The following CNTLN variants were observed in gnomAD, a reference collection of about 807,000 sequenced individuals.
CNTLN encodes centlein, centrosomal protein.
CNTLN carries 212 observed loss-of-function variants against 180.0 expected under a neutral mutation model. The ratio of observed to expected loss-of-function variants is 1.18; its 90% CI spans 1.05 to 1.32. The LOEUF (loss-of-function observed/expected upper bound fraction) is 1.32. Among genes scored for constraint, CNTLN ranks in the 40% most tolerant of loss-of-function variants. The pLI, the probability that CNTLN is intolerant of heterozygous loss-of-function variation, is 0.00. For synonymous variants in CNTLN, 722 were observed against 563.1 expected (o/e 1.28, Z -3.99); for missense variants, 2,095 against 1,610.9 (o/e 1.30, Z -5.14).
At chr9:17,432,492 G>A (rs1417228671) in intron 18 of CNTLN, among the ~76,000 whole-genome samples, 1 of 152,048 alleles carries the variant, frequency 6.6e-6, no homozygotes, top group Non-Finnish European at 1.5e-5. Flanking sequence ...ACAAAGGAAT[G>A]AAAAACACAG....
At chr9:17,310,107 G>A (rs1354687912) in intron 8 of CNTLN, among the ~76,000 whole-genome samples, 1 of 151,940 alleles carries the variant, frequency 6.6e-6, no homozygotes, top group Non-Finnish European at 1.5e-5. Flanking sequence ...TTAATTTAAT[G>A]GCTTTGTTTA....
At chr9:17,323,299 C>A (rs986134484) in intron 8 of CNTLN, among the ~76,000 whole-genome samples, 57 of 152,266 alleles carry the variant, frequency 3.7e-4, no homozygotes, top group Admixed American at 9.8e-4. Context: ...TACTGCGCTT[C>A]ACATTACACA....
intron 13 of CNTLN, among the ~76,000 whole-genome samples, chr9:17,374,905 A>G (rs1441226078): frequency 6.6e-6 from 1 of 152,086 alleles, no homozygotes; most frequent in Non-Finnish European, 1.5e-5. Context: ...TGATCTAGCT[A>G]TCACACTGCT....
intron 12 of CNTLN, among the ~76,000 whole-genome samples, chr9:17,354,408 G>C (rs1822644291): frequency 6.6e-6 from 1 of 152,178 alleles, no homozygotes; most frequent in Non-Finnish European, 1.5e-5. Flanking sequence ...TCTGAGTCTG[G>C]TGGGGCCTTG....
intron 15 of CNTLN, among the ~76,000 whole-genome samples, chr9:17,402,903 A>G (rs1419285896): frequency 6.6e-6 from 1 of 151,740 alleles, no homozygotes; most frequent in Non-Finnish European, 1.5e-5. Flanking sequence ...TCCTAAAGAT[A>G]TATACGTGCA....
At chr9:17,352,413 TATA>T (rs1165192477) in intron 12 of CNTLN, among the ~76,000 whole-genome samples, 4,027 of 20,904 alleles carry the variant, frequency 0.19, 80 homozygotes, top group Non-Finnish European at 0.29. Context: ...TATATATATA[TATA>T]TTTTTTTTTT....
intron 5 of CNTLN, among the ~76,000 whole-genome samples, chr9:17,265,001 C>T (rs1458533107): frequency 6.9e-6 from 1 of 144,978 alleles, no homozygotes; most frequent in South Asian, 2.5e-4. Flanking sequence ...GACAATTTGA[C>T]TTCCTCTTTT....
rs1020211302 is a variant in CNTLN, at chr9:17,263,598, G to T, written c.850-10135G>T. Among the ~76,000 whole-genome samples the T allele has an allele frequency of 3.3e-3, 496 of 149,204 alleles. 2 individuals carry two copies. The highest frequency in any genetic ancestry group is 0.011 in the African/African-American group (443 of 39,792). On this transcript the variant is annotated intron_variant, in intron 5 of 25. Transcript: ENST00000380647. Reference sequence around the variant, plus strand: ...GGGTCAAATGGTATTTCTAGTTCTAGATCCCTGAGGAATTGCCACACTGAC... The same window carrying T: ...GGGTCAAATGGTATTTCTAGTTCTATATCCCTGAGGAATTGCCACACTGAC...
At chr9:17,474,545 C>G (rs1382633541) in intron 23 of CNTLN, among the ~76,000 whole-genome samples, 1 of 152,128 alleles carries the variant, frequency 6.6e-6, no homozygotes, top group Non-Finnish European at 1.5e-5. Flanking sequence ...ACAGTCTTTT[C>G]TCCATCTGTT....
chr9:17,358,479 A>T (rs4961547), intron 12 of CNTLN, among the ~76,000 whole-genome samples: 3 of 152,044 alleles, frequency 2.0e-5, no homozygotes, highest in Non-Finnish European at 2.9e-5. Flanking sequence ...GTAAAAATAT[A>T]GTTACACATA....
chr9:17,360,879 GAAT>G (rs1823323712), intron 12 of CNTLN, among the ~76,000 whole-genome samples: 1 of 152,110 alleles, frequency 6.6e-6, no homozygotes, highest in Non-Finnish European at 1.5e-5. Context: ...CACTTGAAAA[GAAT>G]ATTTGTTTTG....
rs1191296586 is a variant in CNTLN at position 17,263,869 on chromosome 9, C to T, written c.850-9864C>T. On this transcript the variant is annotated intron_variant, in intron 5 of 25. Coordinates refer to ENST00000380647, the MANE Select transcript of CNTLN (RefSeq NM_017738.4). ...TTGAGAAGTGTCTGTTCATATCCTT[C>T]GCCCACTTTTTGATGGGGTTGTTTG... Among the ~76,000 whole-genome samples the T allele has an allele frequency of 3.9e-4, 54 of 139,504 alleles. 5 individuals are homozygous for T. Among genetic ancestry groups the T allele is most frequent in the African/African-American group, 9.4e-4 (33 of 35,042 alleles). The allele number at this position is 139,504 out of a possible 152,430, so 91.5% of individuals were successfully genotyped here.
At chr9:17,471,441 G>A (rs1278663452) in intron 23 of CNTLN, among the ~76,000 whole-genome samples, 3 of 152,036 alleles carry the variant, frequency 2.0e-5, no homozygotes, top group Non-Finnish European at 4.4e-5. Context: ...AAAGTAAATT[G>A]ATATGTATGT....
intron 18 of CNTLN, among the ~76,000 whole-genome samples, chr9:17,425,526 C>T (rs1434300112): frequency 6.6e-6 from 1 of 152,062 alleles, no homozygotes; most frequent in Non-Finnish European, 1.5e-5. Flanking sequence ...TTTTGACAGC[C>T]CAAGCAAACT....
At chr9:17,522,709 T>C in the CNTLN span, among the ~76,000 whole-genome samples, 17 of 151,862 alleles carry the variant, frequency 1.1e-4, no homozygotes, top group East Asian at 2.5e-3. Context: ...TAGCTTTTTG[T>C]ATGACACACG....
chr9:17,258,750 T>G (rs1457003665), intron 5 of CNTLN, among the ~76,000 whole-genome samples: 1 of 146,368 alleles, frequency 6.8e-6, no homozygotes, highest in Non-Finnish European at 1.5e-5. Flanking sequence ...TGAATGTGAG[T>G]TCACTCATGA....
At chr9:17,374,594 C>T (rs1587817339) in intron 13 of CNTLN, among the ~76,000 whole-genome samples, 1 of 152,232 alleles carries the variant, frequency 6.6e-6, no homozygotes, top group African/African-American at 2.4e-5. Flanking sequence ...GGTGCAGTGG[C>T]TTATACCTAT....
intron 5 of CNTLN, among the ~76,000 whole-genome samples, chr9:17,250,541 G>T (rs1388180477): frequency 2.0e-5 from 3 of 151,950 alleles, no homozygotes; most frequent in Admixed American, 6.6e-5. Flanking sequence ...CATGTAGATT[G>T]CACATATCTT....
intron 15 of CNTLN, among the ~76,000 whole-genome samples, chr9:17,399,955 C>T (rs1303055550): frequency 1.3e-5 from 2 of 152,190 alleles, no homozygotes; most frequent in Non-Finnish European, 2.9e-5. Flanking sequence ...CATCAAACCT[C>T]GCATGTAACC....
Sources: allele counts gnomAD v4.1 joint callset (sites outside exome capture counted in the v4.1 genomes callset), GRCh38; gene constraint gnomAD v4.1.1; transcripts MANE v1.5; gene names NCBI Gene and HGNC (gene_info 2026-07-23, HGNC 2026-07-21).